MSMO1: variants seen among roughly 807,000 people sequenced by gnomAD.
The protein encoded by MSMO1 is C-4 methylsterol oxidase.
In MSMO1, 18 loss-of-function variants were observed where a neutral mutation model predicts 30.4. That is an observed-to-expected ratio of 0.59 (90% confidence interval 0.41 to 0.88). The LOEUF (loss-of-function observed/expected upper bound fraction) is 0.88. Ranked by LOEUF, MSMO1 falls within the 40% of genes least tolerant of loss-of-function variation. MSMO1 has a pLI of 0.00. For missense variants in MSMO1, 284 were observed against 340.5 expected (o/e 0.83, Z 1.31); for synonymous variants, 84 against 107.9 (o/e 0.78, Z 1.37).
Position 165,333,596 on chromosome 4 carries a change from C to A in MSMO1, c.226C>A (p.Pro76Thr), listed in dbSNP as rs1178971425. ...CLPGFLFQFI[P>T]YMKKYKIQKD... ...ACCTGGATTTTTATTTCAATTTATA[C>A]CTTATATGAAAAAATACAAAATTCA... Residue 76 changes from proline to threonine, a missense_variant, in exon 2 of 6, where the codon CCT becomes ACT. By Grantham distance (38) the Pro-to-Thr change is conservative. Coordinates refer to ENST00000261507, the MANE Select transcript of MSMO1 (RefSeq NM_006745.5). 5.0e-6 allele frequency: 8 copies of A among 1,597,114 alleles called. No homozygotes were observed. The highest frequency in any genetic ancestry group is 1.1e-5 in the South Asian group (1 of 88,572).
chr4:165,329,714 A>C (rs966608930), intron 1 of MSMO1, among the ~76,000 whole-genome samples: 3 of 133,912 alleles, frequency 2.2e-5, no homozygotes, highest in African/African-American at 5.8e-5. Flanking sequence ...TGCTCGCTGC[A>C]ACCTCAGCCT....
chr4:165,332,195 A>C (rs1747416252), intron 1 of MSMO1, among the ~76,000 whole-genome samples: 1 of 152,230 alleles, frequency 6.6e-6, no homozygotes, highest in South Asian at 2.1e-4. Context: ...CATATGCATA[A>C]AAGTGCATAG....
At chr4:165,339,107 T>TTTTTTTG (rs1747644293) in intron 4 of MSMO1, among the ~76,000 whole-genome samples, 1 of 139,344 alleles carries the variant, frequency 7.2e-6, no homozygotes, top group Non-Finnish European at 1.5e-5. Context: ...TTTTTTTTTT[T>TTTTTTTG]TTTTTTTTTT....
chr4:165,342,036 A>G lies in MSMO1; in HGVS notation c.*90A>G. 1 of 1,100,406 alleles carries G rather than the reference A, an allele frequency of 9.1e-7. No homozygotes were observed. The highest frequency in any genetic ancestry group is 1.4e-6 in the Non-Finnish European group (1 of 734,892). 68.2% of individuals were successfully genotyped at this position (1,100,406 alleles called of 1,614,324 possible). A position where few individuals can be genotyped will look rare whatever the true frequency, so the allele number is the denominator to read the frequency against. On this transcript the variant is annotated 3_prime_UTR_variant, in exon 6 of 6. Coordinates refer to ENST00000261507, the MANE Select transcript of MSMO1 (RefSeq NM_006745.5). ...TTGCTTCTGGAGAGCAGAAATAAGC[A>G]TGTCTTCTGGCTACTAAGTGATAAA...
Position 165,329,978 on chromosome 4 carries a change from A to G in MSMO1, c.-32+2214A>G, listed in dbSNP as rs187891018. On this transcript the variant is annotated intron_variant, in intron 1 of 5. Transcript: ENST00000261507. ...GAGTAAGTTCAGTGCAGTGATGACA[A>G]TAGAATGCAGATTGCAGTTGCTAGA... Among the ~76,000 whole-genome samples, 167 of 152,268 alleles carry G rather than the reference A, an allele frequency of 1.1e-3. 2 individuals carry two copies. Among genetic ancestry groups the G allele is most frequent in the African/African-American group, 3.9e-3 (160 of 41,524 alleles).
chr4:165,342,044 T>TTATCACTTA lies in MSMO1; in HGVS notation c.*98_*99insTATCACTTA. On this transcript the variant is annotated 3_prime_UTR_variant, in exon 6 of 6. Coordinates refer to ENST00000261507, the MANE Select transcript of MSMO1 (RefSeq NM_006745.5). ...GGAGAGCAGAAATAAGCATGTCTTCTGGCTACTAAGTGATAAAAAGAACAT... is the reference window on the plus strand; with the variant it reads ...GGAGAGCAGAAATAAGCATGTCTTCTTATCACTTAGGCTACTAAGTGATAAAAAGAACAT... 1 of 1,039,566 alleles carries TTATCACTTA rather than the reference T, an allele frequency of 9.6e-7. No homozygotes were observed. Among genetic ancestry groups the TTATCACTTA allele is most frequent in the Non-Finnish European group, 1.5e-6 (1 of 685,510 alleles). 64.4% of individuals were successfully genotyped at this position (1,039,566 alleles called of 1,614,324 possible).
chr4:165,332,769 G>C (rs1747434854), intron 1 of MSMO1, among the ~76,000 whole-genome samples: 1 of 152,154 alleles, frequency 6.6e-6, no homozygotes, highest in Non-Finnish European at 1.5e-5. Context: ...TCTGTGAACT[G>C]CTTGTGAATG....
Position 165,337,789 on chromosome 4 carries a change from G to A in MSMO1, c.256G>A (p.Asp86Asn). The part of the protein sequence containing the change: ...PYMKKYKIQK[D>N]KPETWENQWK... ...TAGATATTGTGATTTTTCTTCGTAG[G>A]ATAAGCCAGAGACATGGGAAAACCA... Residue 86 changes from aspartate to asparagine, a missense_variant and splice_region_variant, in exon 3 of 6, where the codon GAT (aspartate) becomes AAT (asparagine). Transcript: ENST00000261507. The A allele has an allele frequency of 6.2e-7, 1 of 1,613,518 alleles. No homozygotes were observed. The highest frequency in any genetic ancestry group is 8.5e-7 in the Non-Finnish European group (1 of 1,179,658).
chr4:165,337,687 A>G (rs1010672832), intron 2 of MSMO1, 102 bp from the exon 3 acceptor site: 1 of 1,172,094 alleles, frequency 8.5e-7, no homozygotes, highest in Non-Finnish European at 1.3e-6. Flanking sequence ...AGTTAACATA[A>G]CTGACGTAGA....
chr4:165,339,958 G>A (rs989925972), intron 4 of MSMO1, among the ~76,000 whole-genome samples: 2 of 152,134 alleles, frequency 1.3e-5, no homozygotes, highest in Non-Finnish European at 2.9e-5. Context: ...TTGCAGTCTC[G>A]AGAATCCTTC....
intron 5 of MSMO1, 45 bp from the exon 6 acceptor site, chr4:165,341,706 T>G (rs1204412923): frequency 4.4e-5 from 65 of 1,484,214 alleles, no homozygotes; most frequent in Non-Finnish European, 5.7e-5. Flanking sequence ...AACAATCATT[T>G]GAGATGTATT....
chr4:165,336,412 AT>A (rs199931350), intron 2 of MSMO1, among the ~76,000 whole-genome samples: 1,938 of 152,304 alleles, frequency 0.013, 22 homozygotes, highest in Middle Eastern at 0.021. Context: ...CTAGGTATGA[AT>A]TTGTATTGCT....
At chr4:165,328,208 G>C (rs967228673) in intron 1 of MSMO1, 3 of 152,360 alleles carry the variant, frequency 2.0e-5, no homozygotes, top group Non-Finnish European at 4.4e-5. Context: ...AGTTGAATGG[G>C]AGGACATCAC....
At chr4:165,334,909 C>A (rs1204950170) in intron 2 of MSMO1, among the ~76,000 whole-genome samples, 1 of 152,140 alleles carries the variant, frequency 6.6e-6, no homozygotes, top group African/African-American at 2.4e-5. Flanking sequence ...TGGATCCAAC[C>A]AACTGCAGAT....
intron 1 of MSMO1, among the ~76,000 whole-genome samples, chr4:165,330,844 C>T (rs914672252): frequency 2.6e-5 from 4 of 152,184 alleles, no homozygotes; most frequent in African/African-American, 9.7e-5. Flanking sequence ...CCCGCATCAG[C>T]CTCCCCAAGG....
intron 2 of MSMO1, 86 bp from the exon 3 acceptor site, chr4:165,337,703 G>C: frequency 7.5e-7 from 1 of 1,337,600 alleles, no homozygotes; most frequent in Non-Finnish European, 1.1e-6. Context: ...GTAGAATTAA[G>C]GTCCAACATA....
chr4:165,338,357 T>C (rs1473921866), intron 3 of MSMO1, among the ~76,000 whole-genome samples: 1 of 151,212 alleles, frequency 6.6e-6, no homozygotes, highest in Non-Finnish European at 1.5e-5. Context: ...CACACACATA[T>C]ATATACTCAT....
intron 4 of MSMO1, among the ~76,000 whole-genome samples, chr4:165,339,096 C>CTGTTTTTTTTT (rs1747642936): frequency 1.7e-5 from 1 of 60,510 alleles, no homozygotes; most frequent in Non-Finnish European, 2.7e-5. Context: ...ATGAGCACTG[C>CTGTTTTTTTTT]TTTTTTTTTT....
chr4:165,334,154 A>G lies in MSMO1; in HGVS notation c.255+529A>G, dbSNP rs569891389. On this transcript the variant is annotated intron_variant, in intron 2 of 5. Transcript: ENST00000261507. ...CAAATTCTAAAAAATACTTAATGAG[A>G]TATTTAATAAGTCTTTGCAATTCCG... Among the ~76,000 whole-genome samples, 253 of 152,344 alleles carry G rather than the reference A, an allele frequency of 1.7e-3. 1 individual carries two copies. Among genetic ancestry groups the G allele is most frequent in the Non-Finnish European group, 2.6e-3 (176 of 68,038 alleles).
Sources: allele counts gnomAD v4.1 joint callset (sites outside exome capture counted in the v4.1 genomes callset), GRCh38; gene constraint gnomAD v4.1.1; transcripts MANE v1.5; gene names NCBI Gene and HGNC (gene_info 2026-07-23, HGNC 2026-07-21).